Variants in UNC13C observed in about 807,000 individuals in gnomAD.
UNC13C encodes the protein protein unc-13 homolog C.
Under a neutral mutation model 245.4 loss-of-function variants are expected in UNC13C, and 174 were observed. The observed-to-expected ratio is 0.71, with a 90% CI of 0.63 to 0.80. The LOEUF is 0.80. Among genes scored for constraint, UNC13C ranks in the 30% least tolerant of loss-of-function variants. The pLI, the probability that UNC13C is intolerant of heterozygous loss-of-function variation, is 0.00. For missense variants in UNC13C, 2,829 were observed against 2,602.9 expected, an observed-to-expected ratio of 1.09 and a Z score of -1.89; for synonymous variants, 992 against 895.1, an observed-to-expected ratio of 1.11 and a Z score of -1.93.
intron 4 of UNC13C, among the ~76,000 whole-genome samples, chr15:54,195,900 C>T (rs2034337651): frequency 1.3e-5 from 2 of 152,068 alleles, no homozygotes; most frequent in South Asian, 2.1e-4. Context: ...TTAAAATCAT[C>T]TGCCCAGCTT....
chr15:54,171,202 A>G (rs2033386011), intron 4 of UNC13C, among the ~76,000 whole-genome samples: 1 of 152,120 alleles, frequency 6.6e-6, no homozygotes, highest in Admixed American at 6.6e-5. Context: ...TGCAATTACT[A>G]TAGATTAGTT....
chr15:54,568,786 T>C (rs939937547), intron 30 of UNC13C, among the ~76,000 whole-genome samples: 8 of 152,204 alleles, frequency 5.3e-5, no homozygotes, highest in Admixed American at 1.3e-4. Flanking sequence ...AGTTTTTAAC[T>C]GTGATGAAAA....
chr15:54,103,691 A>G (rs1900281734), intron 2 of UNC13C, among the ~76,000 whole-genome samples: 1 of 152,136 alleles, frequency 6.6e-6, no homozygotes, highest in East Asian at 1.9e-4. Flanking sequence ...TCACCATCAG[A>G]CCTATCAGAC....
At chr15:54,253,565 G>A (rs1046896957) in intron 8 of UNC13C, among the ~76,000 whole-genome samples, 24 of 152,242 alleles carry the variant, frequency 1.6e-4, no homozygotes, top group Admixed American at 1.1e-3. Context: ...GTTCATTTGC[G>A]TCTCGTCGCC....
At chr15:54,524,192 A>G (rs1895347633) in intron 24 of UNC13C, among the ~76,000 whole-genome samples, 1 of 149,648 alleles carries the variant, frequency 6.7e-6, no homozygotes, top group Non-Finnish European at 1.5e-5. Context: ...GCTCACAGAT[A>G]TGTTAATTTT....
At chr15:54,343,057 T>A (rs987277962) in intron 17 of UNC13C, among the ~76,000 whole-genome samples, 2 of 152,150 alleles carry the variant, frequency 1.3e-5, no homozygotes, top group Admixed American at 6.5e-5. Context: ...TTCTTTTACA[T>A]TTTTCAACAT....
At chr15:53,973,392 A>G (rs1056300462), upstream of UNC13C, among the ~76,000 whole-genome samples, 21 of 152,156 alleles carry the variant, frequency 1.4e-4, no homozygotes, top group Non-Finnish European at 2.2e-4. Context: ...TTCATCAGCA[A>G]GAGTATAAAT....
At position 54,133,177 on chromosome 15, in the gene UNC13C, G is replaced by A. The variant is rs541443079; in HGVS notation, c.2984-9841G>A. 3.3e-5 allele frequency among the ~76,000 whole-genome samples: 5 copies of A among 152,210 alleles called. No individual in the cohort carries two copies. The East Asian group carries it at 9.7e-4, about 29-fold the overall frequency. On this transcript the variant is annotated intron_variant, in intron 2 of 32. Coordinates refer to ENST00000260323, the MANE Select transcript of UNC13C (RefSeq NM_001080534.3). ...TTAGAGCTAGAAGATTTAGATAGAT[G>A]CTGGTGAAATATTCTTATTTTACTT...
the UNC13C span, among the ~76,000 whole-genome samples, chr15:53,838,021 T>A: frequency 6.6e-6 from 1 of 152,152 alleles, no homozygotes; most frequent in Non-Finnish European, 1.5e-5. Flanking sequence ...TGCTTAATCA[T>A]CAATTTTTTG....
intron 25 of UNC13C, among the ~76,000 whole-genome samples, chr15:54,526,853 A>G (rs1416664586): frequency 6.6e-6 from 1 of 151,918 alleles, no homozygotes; most frequent in Non-Finnish European, 1.5e-5. Flanking sequence ...ATAAACATTT[A>G]TCAATTAGTT....
intron 30 of UNC13C, among the ~76,000 whole-genome samples, chr15:54,583,721 C>T (rs1413048055): frequency 6.6e-6 from 1 of 152,232 alleles, no homozygotes; most frequent in Non-Finnish European, 1.5e-5. Flanking sequence ...CCCAGTCTCA[C>T]TGTATCACCT....
intron 2 of UNC13C, among the ~76,000 whole-genome samples, chr15:54,022,759 A>T (rs1895954943): frequency 6.6e-6 from 1 of 152,176 alleles, no homozygotes; most frequent in African/African-American, 2.4e-5. Flanking sequence ...ACTTCGATGT[A>T]ATTCCATTTG....
intron 2 of UNC13C, among the ~76,000 whole-genome samples, chr15:54,141,735 T>G (rs1213024457): frequency 1.3e-5 from 2 of 152,014 alleles, no homozygotes; most frequent in African/African-American, 4.8e-5. Flanking sequence ...TTTTATATAG[T>G]ATTTTAAAAT....
the UNC13C span, among the ~76,000 whole-genome samples, chr15:53,850,757 CT>C: frequency 1.3e-5 from 2 of 151,646 alleles, no homozygotes; most frequent in Non-Finnish European, 2.9e-5. Context: ...CTATGATTTT[CT>C]TTTTTTTCTT....
chr15:53,931,318 G>T, the UNC13C span, among the ~76,000 whole-genome samples: 3 of 151,994 alleles, frequency 2.0e-5, no homozygotes, highest in Non-Finnish European at 4.4e-5. Flanking sequence ...ACAGGGGCGT[G>T]CTACCACACC....
At chr15:54,219,778 G>T (rs937845085) in intron 4 of UNC13C, among the ~76,000 whole-genome samples, 15 of 151,350 alleles carry the variant, frequency 9.9e-5, no homozygotes, top group Non-Finnish European at 1.6e-4. Context: ...ATCAAAAAGT[G>T]GGCAAAGGAT....
At chr15:53,994,388 C>G (rs1894525546) in intron 1 of UNC13C, among the ~76,000 whole-genome samples, 1 of 152,008 alleles carries the variant, frequency 6.6e-6, no homozygotes, top group African/African-American at 2.4e-5. Context: ...AATTGCAGCT[C>G]TCTTTAGTGT....
chr15:54,129,887 C>CTT (rs200515577), intron 2 of UNC13C, among the ~76,000 whole-genome samples: 1 of 98,566 alleles, frequency 1.0e-5, no homozygotes, highest in African/African-American at 3.5e-5. Flanking sequence ...ACGTTATTGT[C>CTT]TTTTTTTTTG....
intron 1 of UNC13C, among the ~76,000 whole-genome samples, chr15:54,008,760 TTG>T (rs1452204134): frequency 6.6e-6 from 1 of 152,172 alleles, no homozygotes; most frequent in Non-Finnish European, 1.5e-5. Context: ...GTGTAAGGGT[TTG>T]TGTCAGTTAC....
Sources: allele counts gnomAD v4.1 joint callset (sites outside exome capture counted in the v4.1 genomes callset), GRCh38; gene constraint gnomAD v4.1.1; transcripts MANE v1.5; gene names NCBI Gene and HGNC (gene_info 2026-07-23, HGNC 2026-07-21).